The following TRIM5 variants were observed in gnomAD, a reference collection of about 807,000 sequenced individuals.
The protein encoded by TRIM5 is tripartite motif-containing protein 5.
TRIM5 carries 31 observed loss-of-function variants against 35.6 expected under a neutral mutation model. The ratio of observed to expected loss-of-function variants is 0.87; its 90% CI spans 0.65 to 1.18. TRIM5 has a LOEUF of 1.18. Ranked by LOEUF, TRIM5 falls within the 50% of genes most tolerant of loss-of-function variation. The pLI is 0.00. For missense variants in TRIM5, 609 were observed against 591.6 expected, an observed-to-expected ratio of 1.03 and a Z score of -0.31; for synonymous variants, 243 against 215.6, an observed-to-expected ratio of 1.13 and a Z score of -1.11.
At chr11:5,632,295 A>G in the TRIM5 span, 3 of 1,613,686 alleles carry the variant, frequency 1.9e-6, no homozygotes, top group Admixed American at 1.7e-5. Flanking sequence ...GGAGAGCCTC[A>G]GGAGTTAGGA....
the TRIM5 span, among the ~76,000 whole-genome samples, chr11:5,621,150 C>T: frequency 6.6e-6 from 1 of 152,198 alleles, no homozygotes; most frequent in Non-Finnish European, 1.5e-5. Context: ...GCATCCCAGT[C>T]ACCCCTTTAT....
At chr11:5,635,605 G>A in the TRIM5 span, among the ~76,000 whole-genome samples, 2 of 152,056 alleles carry the variant, frequency 1.3e-5, no homozygotes, top group African/African-American at 4.8e-5. Flanking sequence ...GAGCCTTTTG[G>A]GGAGAAAGAT....
At chr11:5,674,334 A>C (rs1851779561) in intron 4 of TRIM5, among the ~76,000 whole-genome samples, 1 of 152,222 alleles carries the variant, frequency 6.6e-6, no homozygotes, top group Non-Finnish European at 1.5e-5. Flanking sequence ...CACCAGAACT[A>C]AGAAATAGGG....
the TRIM5 span, among the ~76,000 whole-genome samples, chr11:5,651,463 T>C: frequency 6.6e-6 from 1 of 152,172 alleles, no homozygotes; most frequent in Non-Finnish European, 1.5e-5. Flanking sequence ...ATCTACTCAA[T>C]GTTTTGCTTC....
At chr11:5,651,272 G>C in the TRIM5 span, among the ~76,000 whole-genome samples, 1 of 152,102 alleles carries the variant, frequency 6.6e-6, no homozygotes, top group Non-Finnish European at 1.5e-5. Flanking sequence ...TTAGGTTCAG[G>C]GGTACATGTG....
At chr11:5,681,364 A>G (rs4992804) in intron 1 of TRIM5, among the ~76,000 whole-genome samples, 17,877 of 152,232 alleles carry the variant, frequency 0.12, 1,247 homozygotes, top group East Asian at 0.29. Context: ...TCAAAATTAC[A>G]AAGTTTTCCA....
chr11:5,683,430 T>G (rs993581388), intron 1 of TRIM5, among the ~76,000 whole-genome samples: 1 of 152,178 alleles, frequency 6.6e-6, no homozygotes, highest in Non-Finnish European at 1.5e-5. Context: ...AATGCACCAA[T>G]CAGCACCCTG....
Position 5,667,682 on chromosome 11 carries a change from C to T in TRIM5, c.767+7G>A. 1 of 1,613,668 alleles carries T rather than the reference C, an allele frequency of 6.2e-7. No homozygotes were observed. Among genetic ancestry groups the T allele is most frequent in the South Asian group, 1.1e-5 (1 of 91,056 alleles). On this transcript the variant is annotated splice_region_variant and intron_variant, in intron 5 of 7. Coordinates refer to ENST00000380034, the MANE Select transcript of TRIM5 (RefSeq NM_033034.3). ...CAAAAGGACCATCTCTGTCCTCCCA[C>T]ACATACCTTTTTATGACGCCATCCA...
intron 2 of TRIM5, 41 bp from the exon 3 acceptor site, chr11:5,679,210 T>C: frequency 1.3e-6 from 2 of 1,538,376 alleles, no homozygotes; most frequent in Non-Finnish European, 1.8e-6. Flanking sequence ...CTATGAGGTT[T>C]TCCAGCACCT....
the TRIM5 span, among the ~76,000 whole-genome samples, chr11:5,637,736 T>A: frequency 6.6e-6 from 1 of 152,142 alleles, no homozygotes; most frequent in African/African-American, 2.4e-5. Context: ...AAAAAACAGC[T>A]CCCCATTCCC....
intron 4 of TRIM5, among the ~76,000 whole-genome samples, chr11:5,673,745 A>G (rs977711843): frequency 4.7e-4 from 72 of 152,212 alleles, no homozygotes; most frequent in African/African-American, 1.7e-3. Context: ...ATGGGATTTG[A>G]AATCCACAGC....
the TRIM5 span, among the ~76,000 whole-genome samples, chr11:5,651,552 A>C: frequency 6.6e-6 from 1 of 152,242 alleles, no homozygotes; most frequent in East Asian, 1.9e-4. Context: ...ATTGATGGCC[A>C]TTTAGGTTGT....
At chr11:5,625,077 G>GT in the TRIM5 span, 1 of 152,316 alleles carries the variant, frequency 6.6e-6, no homozygotes, top group East Asian at 1.9e-4. Flanking sequence ...GGGGAGGTTT[G>GT]TGGGGGGTAG....
chr11:5,615,020 T>G, the TRIM5 span, among the ~76,000 whole-genome samples: 2 of 152,226 alleles, frequency 1.3e-5, no homozygotes, highest in Non-Finnish European at 2.9e-5. Flanking sequence ...TCCCTTTTGA[T>G]TTCTTCTTTG....
the TRIM5 span, among the ~76,000 whole-genome samples, chr11:5,657,702 A>AAATATATATATT: frequency 7.7e-6 from 1 of 130,202 alleles, no homozygotes; most frequent in African/African-American, 3.1e-5. Flanking sequence ...AATATAATAT[A>AAATATATATATT]TATAAATATA....
chr11:5,669,080 C>CT (rs34310528), intron 4 of TRIM5, among the ~76,000 whole-genome samples: 22,243 of 133,038 alleles, frequency 0.17, 2,198 homozygotes, highest in African/African-American at 0.23. Context: ...GGTCTACATT[C>CT]TTTTTTTTTT....
Position 5,679,755 on chromosome 11 carries a change from TCTTA to T in TRIM5, c.417+2_417+5del. The stretch of plus-strand genomic sequence containing the variant: ...GCCCTCTCTTCCTTCCATCCCAGTC[TCTTA>T]CTTGGTACTCCCGGGCAACCTCCTC... On this transcript the variant is annotated splice_donor_variant and splice_donor_5th_base_variant and intron_variant, in intron 2 of 7. Coordinates refer to ENST00000380034, the MANE Select transcript of TRIM5 (RefSeq NM_033034.3). LOFTEE classifies it high-confidence loss of function. 1 of 1,570,292 alleles carries T rather than the reference TCTTA, an allele frequency of 6.4e-7. No homozygotes were observed. The highest frequency in any genetic ancestry group is 2.2e-5 in the East Asian group (1 of 44,450).
At chr11:5,632,661 G>C in the TRIM5 span, 2 of 1,612,686 alleles carry the variant, frequency 1.2e-6, no homozygotes, top group South Asian at 2.2e-5. Flanking sequence ...TCTGTAAGGA[G>C]GATAGGAAAG....
chr11:5,634,795 G>T, the TRIM5 span: 1 of 1,613,918 alleles, frequency 6.2e-7, no homozygotes, highest in Non-Finnish European at 8.5e-7. Flanking sequence ...AGCAGAAGCA[G>T]TTGGTGAGAG....
Sources: gnomAD v4.1 joint callset for allele counts (sites outside exome capture counted in the v4.1 genomes callset) on GRCh38, gnomAD v4.1.1 for gene constraint, MANE v1.5 for transcripts, NCBI Gene and HGNC (gene_info 2026-07-23, HGNC 2026-07-21) for gene names.